The following ZNF248 variants were observed in gnomAD, a reference collection of about 807,000 sequenced individuals.
ZNF248 encodes the protein KRAB protein domain.
Under a neutral mutation model 44.3 loss-of-function variants are expected in ZNF248, and 20 were observed. The ratio of observed to expected loss-of-function variants is 0.45; its 90% CI spans 0.32 to 0.66. ZNF248 has a LOEUF of 0.66. ZNF248 is among the 30% of genes least tolerant of loss of function. The pLI is 0.04. For missense variants in ZNF248, 654 were observed against 677.0 expected, an observed-to-expected ratio of 0.97 and a Z score of 0.38; for synonymous variants, 224 against 229.0, an observed-to-expected ratio of 0.98 and a Z score of 0.20.
chr10:37,787,789 G>A (rs1167789532), intron 6 of ZNF248, among the ~76,000 whole-genome samples: 1 of 151,934 alleles, frequency 6.6e-6, no homozygotes, highest in East Asian at 1.9e-4. Flanking sequence ...GTGACCACTG[G>A]TTAGACAAAG....
At chr10:37,772,480 C>G (rs1002981817), downstream of ZNF248, among the ~76,000 whole-genome samples, 3 of 152,128 alleles carry the variant, frequency 2.0e-5, no homozygotes, top group Admixed American at 6.6e-5. Context: ...TATCAGACCC[C>G]TTTGGGATGT....
chr10:37,842,738 T>C (rs1359935219), intron 3 of ZNF248, among the ~76,000 whole-genome samples: 1 of 152,164 alleles, frequency 6.6e-6, no homozygotes, highest in African/African-American at 2.4e-5. Flanking sequence ...CAGCAGAGGA[T>C]TATGGTTGAG....
intron 6 of ZNF248, among the ~76,000 whole-genome samples, chr10:37,807,151 A>G (rs990644527): frequency 1.3e-5 from 2 of 151,918 alleles, no homozygotes; most frequent in African/African-American, 2.4e-5. Flanking sequence ...ACCCTCCAGC[A>G]TCATTTTTTT....
the ZNF248 span, among the ~76,000 whole-genome samples, chr10:37,764,614 C>T: frequency 6.6e-6 from 1 of 152,022 alleles, no homozygotes; most frequent in South Asian, 2.1e-4. Flanking sequence ...CCTGGACACC[C>T]AGCTTTAAAA....
the ZNF248 span, among the ~76,000 whole-genome samples, chr10:37,765,143 G>C: frequency 6.6e-6 from 1 of 151,952 alleles, no homozygotes; most frequent in African/African-American, 2.4e-5. Context: ...TTTTAGTAGA[G>C]ACAGGGTTTC....
chr10:37,763,361 C>G, the ZNF248 span, among the ~76,000 whole-genome samples: 2 of 152,212 alleles, frequency 1.3e-5, no homozygotes, highest in African/African-American at 4.8e-5. Flanking sequence ...TTCAAGGAGC[C>G]TGGCTCCAGC....
intron 6 of ZNF248, among the ~76,000 whole-genome samples, chr10:37,810,425 CTTCT>C (rs1221148063): frequency 1.3e-5 from 2 of 151,960 alleles, no homozygotes; most frequent in Non-Finnish European, 2.9e-5. Flanking sequence ...ATACAATATC[CTTCT>C]TTATCTCTTG....
chr10:37,850,351 A>C (rs1305733094), intron 3 of ZNF248, among the ~76,000 whole-genome samples: 1 of 152,220 alleles, frequency 6.6e-6, no homozygotes, highest in African/African-American at 2.4e-5. Flanking sequence ...AAAATAGCAG[A>C]GTCAGTCAAA....
At chr10:37,821,039 A>G in intron 6 of ZNF248, 3 of 1,072,064 alleles carry the variant, frequency 2.8e-6, no homozygotes, top group Non-Finnish European at 4.2e-6. Context: ...CCAAAGACCT[A>G]CATAATTTTA....
At chr10:37,772,048 C>T (rs915625490), downstream of ZNF248, among the ~76,000 whole-genome samples, 3 of 152,098 alleles carry the variant, frequency 2.0e-5, no homozygotes, top group African/African-American at 4.8e-5. Flanking sequence ...AGGCGGATCA[C>T]GATGTCAGGA....
At chr10:37,835,849 C>G (rs79982378) in intron 5 of ZNF248, among the ~76,000 whole-genome samples, 9,113 of 152,286 alleles carry the variant, frequency 0.06, 350 homozygotes, top group Middle Eastern at 0.095. Flanking sequence ...TGATGCCTTT[C>G]AAATGGATAC....
At chr10:37,852,353 T>C (rs1301246032) in intron 3 of ZNF248, among the ~76,000 whole-genome samples, 2 of 152,156 alleles carry the variant, frequency 1.3e-5, no homozygotes, top group South Asian at 2.1e-4. Flanking sequence ...CAGGGAATTG[T>C]ACTGAGTGAA....
chr10:37,847,501 A>G (rs2059523415), intron 3 of ZNF248, among the ~76,000 whole-genome samples: 1 of 152,232 alleles, frequency 6.6e-6, no homozygotes. Context: ...TATGCTGAAG[A>G]AATTCATACC....
Position 37,832,407 on chromosome 10 carries a change from C to A in ZNF248, c.948G>T (p.Gln316His). The stretch of plus-strand genomic sequence containing the variant: ...GGAGAATCTTTCTTGTGTAAGCTCC[C>A]TGATGGATAATGAAAGCTGAATTGT... The part of the protein sequence containing the change: ...FCDNSAFIIH[Q>H]GAYTRKILRE... The change falls in exon 6 of 6, where the codon CAG becomes CAT. Residue 316 changes from glutamine to histidine, a missense_variant. Physicochemically the swap from Gln to His is conservative, Grantham distance 24. Transcript: ENST00000395867. The A allele has an allele frequency of 6.2e-7, 1 of 1,613,934 alleles. No individual in the cohort carries two copies. The highest frequency in any genetic ancestry group is 1.3e-5 in the African/African-American group (1 of 75,012).
downstream of ZNF248, among the ~76,000 whole-genome samples, chr10:37,825,315 G>A (rs1333040835): frequency 1.3e-5 from 2 of 152,108 alleles, no homozygotes; most frequent in Non-Finnish European, 2.9e-5. Context: ...TTCAATGTCT[G>A]TAGAAAATTT....
intron 6 of ZNF248, among the ~76,000 whole-genome samples, chr10:37,778,472 C>T (rs35892786): frequency 1.8e-3 from 276 of 151,616 alleles, no homozygotes; most frequent in Non-Finnish European, 2.9e-3. Context: ...AAAATTTTCT[C>T]CCATTTTGTA....
chr10:37,786,969 T>C (rs2047942106), intron 6 of ZNF248, among the ~76,000 whole-genome samples: 1 of 152,168 alleles, frequency 6.6e-6, no homozygotes, highest in African/African-American at 2.4e-5. Flanking sequence ...TTGTAAAACT[T>C]ATACTACTTG....
At chr10:37,775,282 TATC>T (rs1215328407), downstream of ZNF248, 1 of 151,976 alleles carries the variant, frequency 6.6e-6, no homozygotes, top group East Asian at 1.9e-4. Context: ...TGATAATTTT[TATC>T]ATGTTAATCT....
Position 37,829,243 on chromosome 10 carries a change from CTG to C in ZNF248, c.*2370_*2371del. 1.0e-6 allele frequency: 1 copy of C among 985,472 alleles called. No individual in the cohort carries two copies. 61.0% of individuals were successfully genotyped at this position (985,472 alleles called of 1,614,324 possible). ...CAGTTCTTACTGGGCTCTGGTAACACTGTTTCCCTCCTTGCCCTTCAAGGCTC... is the reference window on the plus strand; with the variant it reads ...CAGTTCTTACTGGGCTCTGGTAACACTTTCCCTCCTTGCCCTTCAAGGCTC... On this transcript the variant is annotated 3_prime_UTR_variant, in exon 6 of 6. Transcript: ENST00000395867.
Sources: gnomAD v4.1 joint callset for allele counts (sites outside exome capture counted in the v4.1 genomes callset) on GRCh38, gnomAD v4.1.1 for gene constraint, MANE v1.5 for transcripts, NCBI Gene and HGNC (gene_info 2026-07-23, HGNC 2026-07-21) for gene names.